Variants in NCOA4 observed in about 807,000 individuals in gnomAD.
The protein encoded by NCOA4 is 70 kDa AR-activator.
NCOA4 carries 31 observed loss-of-function variants against 69.5 expected under a neutral mutation model. The ratio of observed to expected loss-of-function variants is 0.45; its 90% CI spans 0.34 to 0.60. The LOEUF (loss-of-function observed/expected upper bound fraction) is 0.60, where lower values mean the gene tolerates loss of function less well. Among genes scored for constraint, NCOA4 ranks in the 20% least tolerant of loss-of-function variants. The pLI is 0.02. For synonymous variants in NCOA4, 228 were observed against 252.4 expected, an observed-to-expected ratio of 0.90 and a Z score of 0.92; for missense variants, 600 against 719.2, an observed-to-expected ratio of 0.83 and a Z score of 1.90.
Position 46,008,983 on chromosome 10 carries a change from C to A in NCOA4, c.1839+428G>T, listed in dbSNP as rs1839022136. On this transcript the variant is annotated intron_variant, in intron 9 of 9. Transcript: ENST00000581486. ...TTAATTGAGGTATGTACATTGGTTTCTTCTTAAGACATAATGTTATTGCAG... is the reference window on the plus strand; with the variant it reads ...TTAATTGAGGTATGTACATTGGTTTATTCTTAAGACATAATGTTATTGCAG... 1.2e-5 allele frequency: 7 copies of A among 561,430 alleles called. No homozygotes were observed. In the Admixed American group the frequency reaches 2.1e-4, roughly 16 times the overall value. 34.8% of individuals were successfully genotyped at this position (561,430 alleles called of 1,614,324 possible).
At chr10:46,014,390 G>C in intron 5 of NCOA4, 54 bp downstream of exon 5, 1 of 1,286,274 alleles carries the variant, frequency 7.8e-7, no homozygotes, top group Non-Finnish European at 1.1e-6. Context: ...TTTAAGACCA[G>C]CTGTGAGGCC....
rs1183208806 is a variant in NCOA4, at chr10:46,009,179, C to T, written c.1839+232G>A. On this transcript the variant is annotated intron_variant, in intron 9 of 9. Transcript: ENST00000581486. ...CCACATGGGATCTGAAAATTCCCAA[C>T]GGTTACATCTTGAAAGTTCATTTTG... 25 of 1,551,098 alleles carry T rather than the reference C, an allele frequency of 1.6e-5. No homozygotes were observed. The East Asian group carries it at 2.2e-4, about 14-fold the overall frequency.
chr10:46,027,656 A>C, intron 1 of NCOA4: 3 of 610,716 alleles, frequency 4.9e-6, no homozygotes, highest in East Asian at 2.9e-5. Context: ...ACTTAACCCA[A>C]TGCATACATA....
At chr10:46,028,885 G>T (rs928428301) in intron 1 of NCOA4, among the ~76,000 whole-genome samples, 1 of 152,052 alleles carries the variant, frequency 6.6e-6, no homozygotes, top group Non-Finnish European at 1.5e-5. Flanking sequence ...GACTGGCTCT[G>T]AATGCTAACA....
At chr10:46,009,204 G>C in intron 9 of NCOA4, 1 of 1,550,172 alleles carries the variant, frequency 6.5e-7, no homozygotes, top group South Asian at 1.2e-5. Flanking sequence ...AGTTCATTTT[G>C]AAGTATGCCT....
intron 9 of NCOA4, chr10:46,009,012 TAACTA>T (rs1839024312): frequency 3.1e-6 from 2 of 640,178 alleles, no homozygotes; most frequent in Non-Finnish European, 5.4e-6. Context: ...ATTGCAGACT[TAACTA>T]TAGTGTATTA....
rs1838782572 is a variant in NCOA4 at position 46,005,906 on chromosome 10, C to T, written c.*686G>A. The T allele has an allele frequency of 4.8e-6, 1 of 207,546 alleles. No homozygotes were observed. Among genetic ancestry groups the T allele is most frequent in the African/African-American group, 2.3e-5 (1 of 43,920 alleles). 12.9% of individuals were successfully genotyped at this position (207,546 alleles called of 1,614,324 possible). The stretch of plus-strand genomic sequence containing the variant: ...CCTCAAAAATAGTCTTGAAATAATA[C>T]TGAGTCCTTCTAAAGAGCTCACTGG... On this transcript the variant is annotated 3_prime_UTR_variant, in exon 10 of 10. Coordinates refer to ENST00000581486, the MANE Select transcript of NCOA4 (RefSeq NM_001145263.2).
intron 6 of NCOA4, among the ~76,000 whole-genome samples, 155 bp from the exon 7 acceptor site, chr10:46,013,181 A>G (rs1033299843): frequency 2.6e-5 from 4 of 152,238 alleles, no homozygotes. Flanking sequence ...AGAGACACAC[A>G]GCTGATCTCT....
chr10:46,014,453 G>C lies in NCOA4; in HGVS notation c.471C>G (p.Leu157=), dbSNP rs1839415876. Residue 157 remains leucine, a synonymous_variant, in exon 5 of 10, where the codon CTC becomes CTG. Coordinates refer to ENST00000581486, the MANE Select transcript of NCOA4 (RefSeq NM_001145263.2). The part of the protein sequence containing the change: ...LRQTITTFGS[L]KTIQIPEHLM... ...ATATGAGATTACTCACAATGGTTTT[G>C]AGAGACCCAAATGTGGTGATGGTCT... is the stretch of plus-strand genomic sequence containing the variant. The C allele has an allele frequency of 6.2e-7, 1 of 1,607,742 alleles. No homozygotes were observed. The highest frequency in any genetic ancestry group is 1.3e-5 in the African/African-American group (1 of 74,740).
Position 46,023,571 on chromosome 10 carries a change from T to A in NCOA4, c.-14-6877A>T, listed in dbSNP as rs150350741. 3,108 of 962,238 alleles carry A rather than the reference T, an allele frequency of 3.2e-3. 73 individuals are homozygous for A. The African/African-American group carries it at 0.05, about 15-fold the overall frequency. 59.6% of individuals were successfully genotyped at this position (962,238 alleles called of 1,614,324 possible). ...TCCCCGCTGGCGCTCGCGGCCCCCCTGCAGCTCCCTCCCCGCTGGGCCTCC... is the reference window on the plus strand; with the variant it reads ...TCCCCGCTGGCGCTCGCGGCCCCCCAGCAGCTCCCTCCCCGCTGGGCCTCC... On this transcript the variant is annotated intron_variant, in intron 1 of 9. Coordinates refer to ENST00000581486, the MANE Select transcript of NCOA4 (RefSeq NM_001145263.2).
intron 1 of NCOA4, among the ~76,000 whole-genome samples, chr10:46,022,711 C>T (rs1334920095): frequency 6.6e-6 from 1 of 152,196 alleles, no homozygotes; most frequent in Non-Finnish European, 1.5e-5. Flanking sequence ...GTGATCCGCC[C>T]GCCTCGGCCT....
chr10:46,024,005 G>A (rs1840036480), intron 1 of NCOA4, among the ~76,000 whole-genome samples: 1 of 152,108 alleles, frequency 6.6e-6, no homozygotes. Context: ...TAAGAGTAAA[G>A]CAAAATCACA....
At chr10:46,028,630 T>C (rs760848418) in intron 1 of NCOA4, among the ~76,000 whole-genome samples, 95 of 151,600 alleles carry the variant, frequency 6.3e-4, no homozygotes, top group Non-Finnish European at 1.3e-3. Context: ...TAATCCCAGA[T>C]CTGAGTCCAA....
intron 1 of NCOA4, among the ~76,000 whole-genome samples, chr10:46,029,049 G>A (rs1398751193): frequency 1.9e-4 from 26 of 138,640 alleles, no homozygotes; most frequent in African/African-American, 4.4e-4. Context: ...AAAAAAAAAA[G>A]GGGGGGGTGA....
chr10:46,022,525 G>A (rs782510848), intron 1 of NCOA4: 1 of 442,374 alleles, frequency 2.3e-6, no homozygotes. Context: ...GAGTGCAGTG[G>A]CGCGATCTCA....
At chr10:46,028,406 T>C (rs1220131827) in intron 1 of NCOA4, among the ~76,000 whole-genome samples, 3 of 152,090 alleles carry the variant, frequency 2.0e-5, no homozygotes, top group Non-Finnish European at 4.4e-5. Context: ...ATAGTAGGTG[T>C]TCAACAATTA....
At chr10:46,029,256 A>G (rs782400178) in intron 1 of NCOA4, among the ~76,000 whole-genome samples, 1 of 152,218 alleles carries the variant, frequency 6.6e-6, no homozygotes, top group Non-Finnish European at 1.5e-5. Flanking sequence ...ACCCAAGGAC[A>G]AAGGCTCCCT....
At chr10:46,014,113 G>A (rs1358567799) in intron 5 of NCOA4, among the ~76,000 whole-genome samples, 1 of 151,772 alleles carries the variant, frequency 6.6e-6, no homozygotes, top group Admixed American at 6.6e-5. Flanking sequence ...TGCAACCTCC[G>A]CCTCCCAGCT....
At chr10:46,023,582 C>T in intron 1 of NCOA4, 5 of 936,004 alleles carry the variant, frequency 5.3e-6, no homozygotes, top group Non-Finnish European at 6.4e-6. Flanking sequence ...GCAGCTCCCT[C>T]CCCGCTGGGC....
Sources: gnomAD v4.1 joint callset for allele counts (sites outside exome capture counted in the v4.1 genomes callset) on GRCh38, gnomAD v4.1.1 for gene constraint, MANE v1.5 for transcripts, NCBI Gene and HGNC (gene_info 2026-07-23, HGNC 2026-07-21) for gene names.